Variants in LRP1B observed in about 807,000 individuals in gnomAD.
LRP1B encodes the protein LDL receptor related protein 1B, also known as low-density lipoprotein receptor-related protein 1B.
LRP1B carries 217 observed loss-of-function variants against 556.6 expected under a neutral mutation model. The observed-to-expected ratio is 0.39, with a 90% CI of 0.35 to 0.44. The LOEUF (loss-of-function observed/expected upper bound fraction) is 0.44, where lower values mean the gene tolerates loss of function less well. LRP1B is among the 20% of genes least tolerant of loss of function. LRP1B has a pLI of 1.00. For synonymous variants in LRP1B, 2,047 were observed against 1,865.8 expected, an observed-to-expected ratio of 1.10 and a Z score of -2.50; for missense variants, 5,053 against 5,620.8, an observed-to-expected ratio of 0.90 and a Z score of 3.23.
At chr2:141,369,730 G>A (rs1039609387) in intron 3 of LRP1B, among the ~76,000 whole-genome samples, 4 of 152,066 alleles carry the variant, frequency 2.6e-5, no homozygotes, top group Non-Finnish European at 5.9e-5. Context: ...GCATTGTGGT[G>A]AACTCAGGGC....
chr2:142,057,622 AT>A (rs562758684), intron 1 of LRP1B, among the ~76,000 whole-genome samples: 48 of 152,204 alleles, frequency 3.2e-4, no homozygotes, highest in African/African-American at 1.0e-3. Flanking sequence ...CTCACACACT[AT>A]TTTTTTCCAA....
At chr2:141,074,742 A>C (rs567960624) in intron 7 of LRP1B, among the ~76,000 whole-genome samples, 1 of 151,852 alleles carries the variant, frequency 6.6e-6, no homozygotes, top group South Asian at 2.1e-4. Flanking sequence ...GTTAAAGGGT[A>C]AAAAATAAAG....
chr2:141,044,489 C>T (rs1287827839), intron 11 of LRP1B, among the ~76,000 whole-genome samples: 1 of 149,478 alleles, frequency 6.7e-6, no homozygotes, highest in Non-Finnish European at 1.5e-5. Context: ...AGGCAACCTA[C>T]AAAATGGGAG....
intron 84 of LRP1B, among the ~76,000 whole-genome samples, chr2:140,292,599 A>C (rs1410122636): frequency 6.6e-6 from 1 of 152,096 alleles, no homozygotes; most frequent in East Asian, 1.9e-4. Context: ...AAATTTTCTA[A>C]AGGCTAAACT....
chr2:141,623,782 C>T lies in LRP1B; in HGVS notation c.206-143249G>A, dbSNP rs148177700. Among the ~76,000 whole-genome samples, 268 of 151,504 alleles carry T rather than the reference C, an allele frequency of 1.8e-3. 9 individuals carry two copies. The East Asian group carries it at 0.041, about 23-fold the overall frequency. On this transcript the variant is annotated intron_variant, in intron 2 of 90. Transcript: ENST00000389484. ...CTGTAATCCCAGCATTTTGGGAAGC[C>T]GAGATGGGTGGATCATGAGGTCAGG...
At chr2:140,858,206 T>G (rs1692675244) in intron 27 of LRP1B, among the ~76,000 whole-genome samples, 1 of 152,044 alleles carries the variant, frequency 6.6e-6, no homozygotes, top group Admixed American at 6.6e-5. Context: ...AGCCCACAAC[T>G]AGCAAAGAAT....
chr2:140,277,271 T>C (rs1351753013), intron 84 of LRP1B, among the ~76,000 whole-genome samples: 2 of 151,900 alleles, frequency 1.3e-5, no homozygotes, highest in Non-Finnish European at 2.9e-5. Context: ...ATTTTGTGCA[T>C]AAATTAAATC....
At chr2:140,708,603 C>T (rs2105444886) in intron 37 of LRP1B, among the ~76,000 whole-genome samples, 1 of 151,704 alleles carries the variant, frequency 6.6e-6, no homozygotes, top group South Asian at 2.1e-4. Flanking sequence ...TGTTTACACC[C>T]TGCCTCATTG....
At chr2:141,509,202 T>G (rs776428058) in intron 2 of LRP1B, among the ~76,000 whole-genome samples, 3 of 152,174 alleles carry the variant, frequency 2.0e-5, no homozygotes, top group Non-Finnish European at 2.9e-5. Flanking sequence ...ACTGGAGATA[T>G]GCAAACTTGA....
At chr2:141,184,283 C>A (rs1288385994) in intron 7 of LRP1B, among the ~76,000 whole-genome samples, 1 of 151,986 alleles carries the variant, frequency 6.6e-6, no homozygotes, top group Non-Finnish European at 1.5e-5. Context: ...CTTATGGTGT[C>A]CTCAGAGGAC....
At chr2:141,283,471 A>G (rs190698879) in intron 3 of LRP1B, among the ~76,000 whole-genome samples, 27 of 152,216 alleles carry the variant, frequency 1.8e-4, no homozygotes, top group African/African-American at 6.5e-4. Flanking sequence ...AGAAGCTCAT[A>G]AACTATGTTA....
intron 2 of LRP1B, among the ~76,000 whole-genome samples, chr2:141,641,895 T>C (rs1689349512): frequency 6.6e-6 from 1 of 152,162 alleles, no homozygotes; most frequent in Admixed American, 6.6e-5. Context: ...TTGTTTTACT[T>C]TGATATGAAG....
intron 27 of LRP1B, among the ~76,000 whole-genome samples, chr2:140,866,795 A>C (rs560012070): frequency 6.6e-6 from 1 of 152,218 alleles, no homozygotes; most frequent in Non-Finnish European, 1.5e-5. Flanking sequence ...AAGATACTAT[A>C]ATACAAATTT....
intron 2 of LRP1B, among the ~76,000 whole-genome samples, chr2:141,694,674 T>G (rs1016763717): frequency 6.6e-6 from 1 of 151,980 alleles, no homozygotes; most frequent in Admixed American, 6.6e-5. Flanking sequence ...AATTTTCTCT[T>G]TTAGACATCA....
chr2:141,995,879 T>C (rs1309422037), intron 1 of LRP1B, among the ~76,000 whole-genome samples: 1 of 152,170 alleles, frequency 6.6e-6, no homozygotes, highest in Non-Finnish European at 1.5e-5. Context: ...CAAAAATGCA[T>C]ACAATGTGGG....
intron 18 of LRP1B, among the ~76,000 whole-genome samples, chr2:140,968,718 T>C (rs943381747): frequency 2.0e-5 from 3 of 152,202 alleles, no homozygotes; most frequent in Admixed American, 6.5e-5. Context: ...CCAGAGATTC[T>C]GGTATGTTGT....
At chr2:140,558,421 TAAGTG>T (rs1019280847) in intron 43 of LRP1B, among the ~76,000 whole-genome samples, 6 of 152,132 alleles carry the variant, frequency 3.9e-5, no homozygotes, top group Non-Finnish European at 8.8e-5. Context: ...TGGTTAAAAG[TAAGTG>T]AAGTATGAAT....
chr2:140,733,746 T>C (rs1296980139), intron 35 of LRP1B, among the ~76,000 whole-genome samples: 2 of 152,204 alleles, frequency 1.3e-5, no homozygotes, highest in African/African-American at 2.4e-5. Flanking sequence ...TCTAAAGTGA[T>C]AGAAATAGTC....
rs73965709 is a variant in LRP1B at position 141,558,321 on chromosome 2, T to C, written c.206-77788A>G. Among the ~76,000 whole-genome samples, 872 of 151,868 alleles carry C rather than the reference T, an allele frequency of 5.7e-3. 6 individuals carry two copies. Among genetic ancestry groups the C allele is most frequent in the African/African-American group, 0.02 (816 of 41,490 alleles). Reference sequence around the variant, plus strand: ...AAGGCTGCTGGTGGGCATCTCCTCATCATTCGTCAGGCCTTATGAGAAAAA... The same window carrying C: ...AAGGCTGCTGGTGGGCATCTCCTCACCATTCGTCAGGCCTTATGAGAAAAA... On this transcript the variant is annotated intron_variant, in intron 2 of 90. Transcript: ENST00000389484.
Sources: gnomAD v4.1 joint callset for allele counts (sites outside exome capture counted in the v4.1 genomes callset) on GRCh38, gnomAD v4.1.1 for gene constraint, MANE v1.5 for transcripts, NCBI Gene and HGNC (gene_info 2026-07-23, HGNC 2026-07-21) for gene names.